The following NOTCH3 variants were observed in gnomAD, a reference collection of about 807,000 sequenced individuals.
The protein encoded by NOTCH3 is neurogenic locus notch homolog protein 3.
In NOTCH3, 86 loss-of-function variants were observed where a neutral mutation model predicts 213.3. The ratio of observed to expected loss-of-function variants is 0.40; its 90% confidence interval spans 0.34 to 0.48. The LOEUF (loss-of-function observed/expected upper bound fraction) is 0.48, where lower values mean the gene tolerates loss of function less well. Ranked by LOEUF, NOTCH3 falls within the 20% of genes least tolerant of loss-of-function variation. The pLI, the probability that NOTCH3 is intolerant of heterozygous loss-of-function variation, is 0.57. For synonymous variants in NOTCH3, 1,354 were observed against 1,355.9 expected, an observed-to-expected ratio of 1.00 and a Z score of 0.03; for missense variants, 2,783 against 3,272.6, an observed-to-expected ratio of 0.85 and a Z score of 3.65.
Position 15,165,945 on chromosome 19 carries a change from G to C in NOTCH3, c.5509C>G (p.Arg1837Gly). The C allele has an allele frequency of 1.7e-5, 28 of 1,614,148 alleles. No individual in the cohort carries two copies. Among genetic ancestry groups the C allele is most frequent in the Non-Finnish European group, 2.1e-5 (25 of 1,180,026 alleles). ...AGGTGCAAAGCAGTCTCGCCAGTAC[G>C]GTCAGTCCGTGCCCCAAGCTGAGCC... ...QGAQLGARTD[R>G]TGETALHLAA... is the part of the protein sequence containing the mutation. The change falls in exon 30 of 33, where the codon CGT (arginine) becomes GGT (glycine). Residue 1837 changes from arginine (R) to glycine (G), a missense_variant. Coordinates refer to ENST00000263388, the MANE Select transcript of NOTCH3 (RefSeq NM_000435.3). This position sits in a 1 kb window ranked among gnomAD's most constrained non-coding sequence, Gnocchi z 4.7.
intron 25 of NOTCH3, among the ~76,000 whole-genome samples, chr19:15,172,822 C>T (rs982599248): frequency 7.9e-5 from 12 of 151,638 alleles, no homozygotes; most frequent in African/African-American, 2.4e-4. Flanking sequence ...TACACCACCA[C>T]GCCTGGCTAA....
In NOTCH3 at chr19:15,160,749, G is replaced by T; in HGVS notation, c.6879C>A (p.Pro2293=). Residue 2293 remains proline (P), a synonymous_variant, in exon 33 of 33, where the codon CCC becomes CCA. Transcript: ENST00000263388. Reference sequence around the variant, plus strand: ...GAGCAAGGGAGCTGGGAACAGACAAGGGAAGTGGCTGGGCAGGCAGTGCCC... The same window carrying T: ...GAGCAAGGGAGCTGGGAACAGACAATGGAAGTGGCTGGGCAGGCAGTGCCC... ...TTGALPAQPL[P]LSVPSSLAQA... The T allele has an allele frequency of 6.2e-7, 1 of 1,614,222 alleles. No individual in the cohort carries two copies.
intron 31 of NOTCH3, among the ~76,000 whole-genome samples, chr19:15,164,064 G>A (rs2046665660): frequency 6.6e-6 from 1 of 152,194 alleles, no homozygotes; most frequent in South Asian, 2.1e-4. Context: ...GGGCTTGGCA[G>A]ATGATGGCCA....
chr19:15,192,763 A>C (rs570570576), intron 2 of NOTCH3, among the ~76,000 whole-genome samples: 1 of 152,164 alleles, frequency 6.6e-6, no homozygotes, highest in South Asian at 2.1e-4. Context: ...AAAAGTACGA[A>C]ACTTTGCTGG....
chr19:15,166,943 C>G (rs141816919), intron 29 of NOTCH3, among the ~76,000 whole-genome samples: 1 of 33,364 alleles, frequency 3.0e-5, no homozygotes, highest in Non-Finnish European at 6.1e-5. Context: ...CAGAATGCAT[C>G]CTGAGACTTT....
intron 6 of NOTCH3, among the ~76,000 whole-genome samples, chr19:15,190,903 A>C (rs2145439001): frequency 6.6e-6 from 1 of 152,052 alleles, no homozygotes; most frequent in African/African-American, 2.4e-5. Context: ...GTTTTTGTAG[A>C]GATGACAAAA....
chr19:15,170,739 G>T lies in NOTCH3; in HGVS notation c.4823C>A (p.Ala1608Asp). 6.2e-7 allele frequency: 1 copy of T among 1,610,146 alleles called. No individual in the cohort carries two copies. Among genetic ancestry groups the T allele is most frequent in the Non-Finnish European group, 8.5e-7 (1 of 1,178,688 alleles). Residue 1608 changes from alanine (A) to aspartate (D), a missense_variant, in exon 26 of 33, where the codon GCT becomes GAT. By Grantham distance (126) the Ala-to-Asp change is moderately radical. Transcript: ENST00000263388. ...CGCTGACAACGCTCCCAGGTAGTCA[G>T]CGGCGCTCTGGGCATCGGGGAAGCA... ...DHCFPDAQSA[A>D]DYLGALSAVE...
At chr19:15,175,499 A>G (rs1027357912) in intron 24 of NOTCH3, among the ~76,000 whole-genome samples, 1 of 138,838 alleles carries the variant, frequency 7.2e-6, no homozygotes, top group African/African-American at 2.7e-5. Context: ...ACACCACTGC[A>G]CTCCAGCCTG....
intron 31 of NOTCH3, among the ~76,000 whole-genome samples, chr19:15,163,905 G>GT (rs1454475932): frequency 1.3e-5 from 2 of 152,152 alleles, no homozygotes; most frequent in African/African-American, 4.8e-5. Context: ...TACAACATGG[G>GT]TGAACCTTGA....
In NOTCH3 at chr19:15,161,058, C is replaced by T. The variant is rs771107661; in HGVS notation, c.6570G>A (p.Ala2190=). Residue 2190 remains alanine (A), a synonymous_variant, in exon 33 of 33, where the codon GCG becomes GCA. Coordinates refer to ENST00000263388, the MANE Select transcript of NOTCH3 (RefSeq NM_000435.3). The part of the protein sequence containing the change: ...PPGPSFLLPL[A]PGPQLLNPGT... The stretch of plus-strand genomic sequence containing the variant: ...CTGGGTTGAGCAGCTGGGGTCCCGG[C>T]GCCAGTGGCAGCAGGAACGAGGGGC... The T allele has an allele frequency of 3.7e-5, 57 of 1,538,176 alleles. No homozygotes were observed. The highest frequency in any genetic ancestry group is 3.1e-4 in the East Asian group (13 of 41,716).
rs964234923 is a variant in NOTCH3, at chr19:15,161,035, G to T, written c.6593C>A (p.Pro2198Gln). The change falls in exon 33 of 33, where the codon CCA becomes CAA. Residue 2198 changes from proline (P) to glutamine (Q), a missense_variant. This residue lies in a region of NOTCH3 where 441 missense variants were observed against 432.1 expected (regional missense o/e 1.02). Transcript: ENST00000263388. Reference sequence around the variant, plus strand: ...CTCCTGCGGGGAGACGGGGGTCCCTGGGTTGAGCAGCTGGGGTCCCGGCGC... The same window carrying T: ...CTCCTGCGGGGAGACGGGGGTCCCTTGGTTGAGCAGCTGGGGTCCCGGCGC... ...PLAPGPQLLN[P>Q]GTPVSPQERP... 5 of 1,539,854 alleles carry T rather than the reference G, an allele frequency of 3.2e-6. No individual in the cohort carries two copies. The highest frequency in any genetic ancestry group is 4.4e-6 in the Non-Finnish European group (5 of 1,145,024).
At chr19:15,199,265 G>A (rs538476327) in intron 1 of NOTCH3, among the ~76,000 whole-genome samples, 3 of 152,272 alleles carry the variant, frequency 2.0e-5, no homozygotes, top group Non-Finnish European at 2.9e-5. Context: ...GTGCCCGTGT[G>A]TGTATGAGCT....
chr19:15,187,996 T>TG lies in NOTCH3; in HGVS notation c.1493-3dup, dbSNP rs1419302800. ...GCTGACACGTGGAGCCGCTGAAGCC[T>TG]GGGGTGGGGAGTGGGATGAGCAGAG... is the stretch of plus-strand genomic sequence containing the variant. On this transcript the variant is annotated splice_region_variant and splice_polypyrimidine_tract_variant and intron_variant, in intron 9 of 32. Coordinates refer to ENST00000263388, the MANE Select transcript of NOTCH3 (RefSeq NM_000435.3). The TG allele has an allele frequency of 2.5e-5, 39 of 1,550,470 alleles. 1 individual carries two copies. The East Asian group carries it at 9.3e-4, about 37-fold the overall frequency.
chr19:15,162,772 TTTGTGTGTGTGTGTGTGTGTGC>T (rs1229759668), intron 31 of NOTCH3, among the ~76,000 whole-genome samples: 1 of 4,702 alleles, frequency 2.1e-4, no homozygotes, highest in Non-Finnish European at 9.6e-4. Context: ...TGTGTGTGTG[TTTGTGTGTGTGTGTGTGTGTGC>T]GTGCATGTGC....
Position 15,165,292 on chromosome 19 carries a change from T to A in NOTCH3, c.5815+76A>T, listed in dbSNP as rs547878122. ...CAGTGATTGGGTCTCAACATGGGTATGAATTTGCACCAACATGACCCTCAG... is the reference window on the plus strand; with the variant it reads ...CAGTGATTGGGTCTCAACATGGGTAAGAATTTGCACCAACATGACCCTCAG... On this transcript the variant is annotated intron_variant, in intron 31 of 32. Transcript: ENST00000263388. The surrounding 1 kb of genome is among the most constrained non-coding windows in gnomAD (Gnocchi z 4.7). 47 of 1,478,242 alleles carry A rather than the reference T, an allele frequency of 3.2e-5. No individual in the cohort carries two copies. Among genetic ancestry groups the A allele is most frequent in the Non-Finnish European group, 4.2e-5 (45 of 1,069,256 alleles). The allele number at this position is 1,478,242 out of a possible 1,614,324, so 91.6% of individuals were successfully genotyped here.
intron 28 of NOTCH3, among the ~76,000 whole-genome samples, 181 bp downstream of exon 28, chr19:15,169,905 C>A (rs1290804444): frequency 1.3e-5 from 2 of 152,176 alleles, no homozygotes; most frequent in Admixed American, 1.3e-4. Flanking sequence ...CTTCCTCCCT[C>A]TGAGGTCACA....
At chr19:15,184,002 C>T (rs555798293) in intron 16 of NOTCH3, among the ~76,000 whole-genome samples, 1 of 122,830 alleles carries the variant, frequency 8.1e-6, no homozygotes, top group African/African-American at 3.3e-5. Context: ...ATGATTGCAA[C>T]ACTGCACTCC....
intron 5 of NOTCH3, 40 bp downstream of exon 5, chr19:15,191,705 C>T (rs1390684584): frequency 4.3e-6 from 7 of 1,613,328 alleles, no homozygotes; most frequent in East Asian, 2.2e-5. Flanking sequence ...CATGTCCACC[C>T]GAGGCCTGCC....
chr19:15,180,381 G>C (rs1337468564), intron 19 of NOTCH3, 125 bp from the exon 20 acceptor site: 1 of 1,089,544 alleles, frequency 9.2e-7, no homozygotes, highest in Admixed American at 2.0e-5. Context: ...CACTCCATCA[G>C]GTTGTCACAC....
Sources: gnomAD v4.1 joint callset for allele counts (sites outside exome capture counted in the v4.1 genomes callset) on GRCh38, gnomAD v4.1.1 for gene constraint, gnomAD v4.1.1 regional missense constraint, Gnocchi (gnomAD v3.1) non-coding constraint, MANE v1.5 for transcripts, NCBI Gene and HGNC (gene_info 2026-07-23, HGNC 2026-07-21) for gene names.